Variants in RTN4 observed in about 807,000 individuals in gnomAD.
RTN4 encodes reticulon-4.
RTN4 carries 32 observed loss-of-function variants against 90.4 expected under a neutral mutation model. That is an observed-to-expected ratio of 0.35 (90% CI 0.27 to 0.48). RTN4 has a LOEUF of 0.48. RTN4 is among the 20% of genes least tolerant of loss of function. The pLI, the probability that RTN4 is intolerant of heterozygous loss-of-function variation, is 0.99. For synonymous variants in RTN4, 629 were observed against 552.5 expected (o/e 1.14, Z -1.94); for missense variants, 1,706 against 1,430.2 (o/e 1.19, Z -3.11).
chr2:55,004,256 G>A (rs946928702), intron 3 of RTN4, among the ~76,000 whole-genome samples: 5 of 152,136 alleles, frequency 3.3e-5, no homozygotes, highest in Non-Finnish European at 7.4e-5. Flanking sequence ...CATGCCACAA[G>A]TAGACTATGC....
chr2:54,978,644 A>G (rs1677867002), intron 5 of RTN4, among the ~76,000 whole-genome samples: 2 of 152,182 alleles, frequency 1.3e-5, no homozygotes, highest in Non-Finnish European at 2.9e-5. Context: ...TTTAGAAATG[A>G]GAGTAATTTC....
chr2:55,101,799 T>C (rs1209803365), intron 1 of RTN4, among the ~76,000 whole-genome samples: 2 of 152,116 alleles, frequency 1.3e-5, no homozygotes, highest in African/African-American at 4.8e-5. Flanking sequence ...AGCAAATTAA[T>C]TAATTTTGTA....
intron 2 of RTN4, among the ~76,000 whole-genome samples, 171 bp from the exon 3 acceptor site, chr2:55,027,656 T>A (rs915979694): frequency 2.0e-5 from 3 of 151,652 alleles, no homozygotes; most frequent in Admixed American, 2.0e-4. Context: ...TTACTGAAAA[T>A]ATTAAGCTAT....
chr2:55,020,419 T>TG (rs1348607529), intron 3 of RTN4, among the ~76,000 whole-genome samples: 4 of 113,026 alleles, frequency 3.5e-5, no homozygotes, highest in Non-Finnish European at 6.1e-5. Flanking sequence ...AATCAATTTT[T>TG]GGAAAAAAAA....
At chr2:55,072,511 G>A (rs1273380954) in intron 2 of RTN4, among the ~76,000 whole-genome samples, 2 of 152,192 alleles carry the variant, frequency 1.3e-5, no homozygotes, top group Non-Finnish European at 2.9e-5. Context: ...TTACAGGCGT[G>A]AGCCACCGCA....
At chr2:55,040,850 C>CA (rs1375320289) in intron 1 of RTN4, among the ~76,000 whole-genome samples, 1 of 151,578 alleles carries the variant, frequency 6.6e-6, no homozygotes, top group Non-Finnish European at 1.5e-5. Context: ...AAGAGACCAC[C>CA]AATATAAGCA....
At chr2:54,989,512 A>G (rs1424672894) in intron 3 of RTN4, among the ~76,000 whole-genome samples, 1 of 152,212 alleles carries the variant, frequency 6.6e-6, no homozygotes, top group Non-Finnish European at 1.5e-5. Context: ...GACATTACGA[A>G]TAATGTCATA....
At chr2:54,995,902 C>G (rs1019551930) in intron 3 of RTN4, among the ~76,000 whole-genome samples, 1 of 152,034 alleles carries the variant, frequency 6.6e-6, no homozygotes, top group Non-Finnish European at 1.5e-5. Flanking sequence ...CTTCCTCATG[C>G]ACATTATAAC....
At chr2:54,988,845 A>G (rs527606533) in intron 3 of RTN4, among the ~76,000 whole-genome samples, 1 of 152,336 alleles carries the variant, frequency 6.6e-6, no homozygotes, top group Admixed American at 6.5e-5. Context: ...GGATCAAGTA[A>G]GCATAGCCTG....
chr2:55,016,683 AT>A (rs1203611887), intron 3 of RTN4, among the ~76,000 whole-genome samples: 2 of 152,162 alleles, frequency 1.3e-5, no homozygotes, highest in Non-Finnish European at 1.5e-5. Context: ...TATGATTATA[AT>A]TTTTTTCATC....
chr2:54,980,629 A>C (rs1678044303), intron 5 of RTN4, among the ~76,000 whole-genome samples: 2 of 152,226 alleles, frequency 1.3e-5, no homozygotes, highest in African/African-American at 4.8e-5. Context: ...ATCTATAAAA[A>C]CAACAAGCAT....
At chr2:55,048,194 G>A (rs1667876478) in intron 1 of RTN4, among the ~76,000 whole-genome samples, 1 of 152,226 alleles carries the variant, frequency 6.6e-6, no homozygotes, top group South Asian at 2.1e-4. Flanking sequence ...GCACACGTGT[G>A]CAGGGCACTG....
chr2:55,090,762 A>G (rs1334073790), intron 1 of RTN4, among the ~76,000 whole-genome samples: 2 of 152,196 alleles, frequency 1.3e-5, no homozygotes, highest in Admixed American at 6.5e-5. Context: ...AGTAACTCCC[A>G]TTTAAAATGG....
At chr2:55,013,667 A>G (rs1395343703) in intron 3 of RTN4, among the ~76,000 whole-genome samples, 1 of 151,470 alleles carries the variant, frequency 6.6e-6, no homozygotes, top group African/African-American at 2.4e-5. Context: ...CAGACAGTAG[A>G]AAGTTATATT....
At chr2:55,125,544 T>C in the RTN4 span, among the ~76,000 whole-genome samples, 10,647 of 152,274 alleles carry the variant, frequency 0.07, 432 homozygotes, top group Middle Eastern at 0.16. Flanking sequence ...GGCAGGCAGA[T>C]GACTTGAGGT....
At chr2:54,995,935 T>C (rs1679391349) in intron 3 of RTN4, among the ~76,000 whole-genome samples, 2 of 151,852 alleles carry the variant, frequency 1.3e-5, no homozygotes, top group African/African-American at 4.8e-5. Context: ...AACAAAACAA[T>C]GATATGAGGG....
chr2:55,111,126 C>T, intron 1 of RTN4, among the ~76,000 whole-genome samples: 1 of 151,972 alleles, frequency 6.6e-6, no homozygotes, highest in Non-Finnish European at 1.5e-5. Flanking sequence ...AAAATAAAAA[C>T]AAATTGTCTT....
chr2:54,991,346 A>G, intron 3 of RTN4, among the ~76,000 whole-genome samples: 1 of 152,360 alleles, frequency 6.6e-6, no homozygotes, highest in Non-Finnish European at 1.5e-5. Flanking sequence ...GTTACTGTTT[A>G]AACAGGTGTA....
intron 3 of RTN4, among the ~76,000 whole-genome samples, chr2:55,017,244 T>C (rs1294457662): frequency 6.6e-6 from 1 of 152,186 alleles, no homozygotes; most frequent in Non-Finnish European, 1.5e-5. Context: ...GTATCTACAG[T>C]ACTTCAGTAA....
Sources: gnomAD v4.1 joint callset for allele counts (sites outside exome capture counted in the v4.1 genomes callset) on GRCh38, gnomAD v4.1.1 for gene constraint, MANE v1.5 for transcripts, NCBI Gene and HGNC (gene_info 2026-07-23, HGNC 2026-07-21) for gene names.